STYX: variants seen among roughly 807,000 people sequenced by gnomAD.
The protein encoded by STYX is serine/threonine/tyrosine-interacting protein.
A neutral mutation model predicts 42.7 loss-of-function variants in STYX; 20 were observed. The observed-to-expected ratio is 0.47, with a 90% CI of 0.33 to 0.68. The LOEUF is 0.68. Ranked by LOEUF, STYX falls within the 30% of genes least tolerant of loss-of-function variation. The pLI is 0.02. For synonymous variants in STYX, 78 were observed against 81.9 expected, an observed-to-expected ratio of 0.95 and a Z score of 0.26; for missense variants, 226 against 268.5, an observed-to-expected ratio of 0.84 and a Z score of 1.11.
At position 52,772,376 on chromosome 14, in the gene STYX, G is replaced by C. The variant is rs1012933192; in HGVS notation, c.*1270G>C. ...CTTGACATTCAGTTAGTCCAGATCT[G>C]CCCCATAATTTGCTTTAGTAAAGTC... On this transcript the variant is annotated 3_prime_UTR_variant, in exon 11 of 11. Coordinates refer to ENST00000354586, the MANE Select transcript of STYX (RefSeq NM_145251.4). 14 of 152,386 alleles carry C rather than the reference G, an allele frequency of 9.2e-5. No individual in the cohort carries two copies. Among genetic ancestry groups the C allele is most frequent in the African/African-American group, 3.4e-4 (14 of 41,428 alleles). The allele number at this position is 152,386 out of a possible 1,614,324, so 9.4% of individuals were successfully genotyped here.
intron 9 of STYX, among the ~76,000 whole-genome samples, chr14:52,760,701 C>T (rs920804219): frequency 6.6e-6 from 1 of 152,108 alleles, no homozygotes; most frequent in Non-Finnish European, 1.5e-5. Flanking sequence ...ACAGTGTCAT[C>T]TGTGTTCAGC....
chr14:52,756,993 A>C (rs1881897560), intron 5 of STYX, among the ~76,000 whole-genome samples: 1 of 152,096 alleles, frequency 6.6e-6, no homozygotes, highest in African/African-American at 2.4e-5. Context: ...AGCCCCTTTA[A>C]TTGTGCTTGT....
intron 3 of STYX, among the ~76,000 whole-genome samples, chr14:52,747,373 A>T (rs1881433457): frequency 6.6e-6 from 1 of 152,186 alleles, no homozygotes; most frequent in Non-Finnish European, 1.5e-5. Context: ...ATTTAATTTG[A>T]TGTTCTTAGG....
chr14:52,766,531 C>T (rs1313503195), intron 9 of STYX, among the ~76,000 whole-genome samples: 4 of 152,108 alleles, frequency 2.6e-5, no homozygotes, highest in Non-Finnish European at 5.9e-5. Context: ...TGGTCTCAAA[C>T]TCCTGGGCTC....
chr14:52,741,450 G>A (rs141448039), intron 1 of STYX, among the ~76,000 whole-genome samples: 51 of 151,974 alleles, frequency 3.4e-4, no homozygotes, highest in Non-Finnish European at 6.5e-4. Context: ...GTGTGTGTGT[G>A]TATGAGAGAT....
At chr14:52,733,719 C>T (rs142985973) in intron 1 of STYX, among the ~76,000 whole-genome samples, 1 of 152,294 alleles carries the variant, frequency 6.6e-6, no homozygotes, top group East Asian at 1.9e-4. Context: ...GGAAGGGGCA[C>T]ACCACCATCC....
intron 8 of STYX, among the ~76,000 whole-genome samples, chr14:52,759,260 C>G (rs750955835): frequency 7.2e-5 from 11 of 152,164 alleles, no homozygotes; most frequent in Non-Finnish European, 1.5e-4. Context: ...GAAGCTGGGA[C>G]TATACCACAT....
intron 1 of STYX, chr14:52,731,823 CTA>C (rs2139870972): frequency 6.6e-6 from 1 of 152,138 alleles, no homozygotes; most frequent in South Asian, 2.1e-4. Context: ...TTGTTTGTGA[CTA>C]TCACTGTTGC....
intron 9 of STYX, among the ~76,000 whole-genome samples, chr14:52,763,993 T>G (rs1882200282): frequency 6.6e-6 from 1 of 152,056 alleles, no homozygotes; most frequent in South Asian, 2.1e-4. Flanking sequence ...AATTTCAGGG[T>G]TTTTTGTTGT....
chr14:52,736,999 T>C (rs1880981109), intron 1 of STYX, among the ~76,000 whole-genome samples: 1 of 152,186 alleles, frequency 6.6e-6, no homozygotes, highest in Admixed American at 6.5e-5. Context: ...ATACTAACTT[T>C]TCTGTTTTGT....
chr14:52,755,310 A>T (rs1881819132), intron 4 of STYX, among the ~76,000 whole-genome samples: 1 of 151,786 alleles, frequency 6.6e-6, no homozygotes, highest in African/African-American at 2.4e-5. Context: ...TTTAGTAGAG[A>T]TGGGGTTTCA....
At chr14:52,740,940 C>T (rs1414446083) in intron 1 of STYX, among the ~76,000 whole-genome samples, 1 of 152,176 alleles carries the variant, frequency 6.6e-6, no homozygotes, top group Non-Finnish European at 1.5e-5. Flanking sequence ...AACCAGATTT[C>T]TATCAACATA....
chr14:52,757,767 C>T lies in STYX; in HGVS notation c.365C>T (p.Ala122Val). The part of the protein sequence containing the change: ...MGGKVLVHGN[A>V]GISRSAAFVI... ...GGAAAAGTTCTTGTGCATGGAAATG[C>T]AGGGATCTCCAGAAGGTATGAAGTT... The change falls in exon 7 of 11, where the codon GCA becomes GTA. Residue 122 changes from alanine (A) to valine (V), a missense_variant. By Grantham distance (64) the Ala-to-Val change is moderately conservative. Coordinates refer to ENST00000354586, the MANE Select transcript of STYX (RefSeq NM_145251.4). 1 of 1,613,432 alleles carries T rather than the reference C, an allele frequency of 6.2e-7. No homozygotes were observed. Among genetic ancestry groups the T allele is most frequent in the Non-Finnish European group, 8.5e-7 (1 of 1,179,738 alleles).
chr14:52,759,104 T>C (rs932561726), intron 8 of STYX, among the ~76,000 whole-genome samples: 2 of 152,112 alleles, frequency 1.3e-5, no homozygotes, highest in Non-Finnish European at 1.5e-5. Context: ...ACTTGTACTA[T>C]ATGCACAAAA....
Position 52,773,040 on chromosome 14 carries a change from ATGATGCTTCATTT to A in STYX, c.*1935_*1947del, listed in dbSNP as rs1429628179. On this transcript the variant is annotated 3_prime_UTR_variant, in exon 11 of 11. Coordinates refer to ENST00000354586, the MANE Select transcript of STYX (RefSeq NM_145251.4). Reference sequence around the variant, plus strand: ...ATCTCTTACAGTGTAATAATAATCTATGATGCTTCATTTAGCAGAAACTCTGCTTAAAAGAATC... The same window carrying A: ...ATCTCTTACAGTGTAATAATAATCTAAGCAGAAACTCTGCTTAAAAGAATC... 1 of 152,164 alleles carries A rather than the reference ATGATGCTTCATTT, an allele frequency of 6.6e-6. No individual in the cohort carries two copies. Among genetic ancestry groups the A allele is most frequent in the Non-Finnish European group, 1.5e-5 (1 of 68,024 alleles). The allele number at this position is 152,164 out of a possible 1,614,324, so 9.4% of individuals were successfully genotyped here.
intron 1 of STYX, among the ~76,000 whole-genome samples, 190 bp from the exon 2 acceptor site, chr14:52,744,662 G>A (rs1881326168): frequency 6.6e-6 from 1 of 152,172 alleles, no homozygotes; most frequent in African/African-American, 2.4e-5. Context: ...TTTAAAGAAT[G>A]CTTTAAGCTT....
At chr14:52,733,700 A>G (rs1880827739) in intron 1 of STYX, among the ~76,000 whole-genome samples, 1 of 152,192 alleles carries the variant, frequency 6.6e-6, no homozygotes. Flanking sequence ...GAATAGGGCA[A>G]GGTATGGGGG....
chr14:52,733,438 T>G (rs1013156902), intron 1 of STYX, among the ~76,000 whole-genome samples: 1 of 152,108 alleles, frequency 6.6e-6, no homozygotes, highest in African/African-American at 2.4e-5. Flanking sequence ...CTGACACATA[T>G]GTACCTGAAG....
intron 8 of STYX, 147 bp from the exon 9 acceptor site, chr14:52,759,535 A>G (rs1471522449): frequency 9.3e-6 from 6 of 642,498 alleles, no homozygotes; most frequent in South Asian, 1.8e-5. Context: ...CCGTAAGCAT[A>G]TAGCTGGTGA....
Sources: allele counts gnomAD v4.1 joint callset (sites outside exome capture counted in the v4.1 genomes callset), GRCh38; gene constraint gnomAD v4.1.1; transcripts MANE v1.5; gene names NCBI Gene and HGNC (gene_info 2026-07-23, HGNC 2026-07-21).